The following CNR2 variants were observed in gnomAD, a reference collection of about 807,000 sequenced individuals.
CNR2 encodes the protein cannabinoid receptor 2.
For missense variants in CNR2, 379 were observed against 439.9 expected (o/e 0.86, Z 1.24); for synonymous variants, 172 against 182.2 (o/e 0.94, Z 0.45).
intron 1 of CNR2, chr1:23,902,206 T>C: frequency 8.2e-7 from 1 of 1,224,158 alleles, no homozygotes; most frequent in Non-Finnish European, 1.1e-6. Context: ...CACCGCCTCC[T>C]GGTGTTGAGG....
rs913226427 is a variant in CNR2 at position 23,873,959 on chromosome 1, A to T, written c.*576T>A. ...AGAGGGTCCTCGCCCAAACAACAGG[A>T]TGCCCCAAACTGAAGGCTTGTCATT... On this transcript the variant is annotated 3_prime_UTR_variant, in exon 2 of 2. Coordinates refer to ENST00000374472, the MANE Select transcript of CNR2 (RefSeq NM_001841.3). 2.0e-5 allele frequency: 3 copies of T among 152,982 alleles called. No homozygotes were observed. The highest frequency in any genetic ancestry group is 7.2e-5 in the African/African-American group (3 of 41,456). The allele number at this position is 152,982 out of a possible 1,614,324, so 9.5% of individuals were successfully genotyped here.
rs145018283 is a variant in CNR2 at position 23,884,292 on chromosome 1, C to T, written c.-45-8630G>A. ...ACGGGGTTGTTGGTCAGGCTGGTCTCGAACTCCTGGCTTCAAGTGATCTGC... is the reference window on the plus strand; with the variant it reads ...ACGGGGTTGTTGGTCAGGCTGGTCTTGAACTCCTGGCTTCAAGTGATCTGC... On this transcript the variant is annotated intron_variant, in intron 1 of 1. Coordinates refer to ENST00000374472, the MANE Select transcript of CNR2 (RefSeq NM_001841.3). 1.9e-4 allele frequency among the ~76,000 whole-genome samples: 28 copies of T among 150,090 alleles called. No homozygotes were observed. The East Asian group carries it at 2.5e-3, about 14-fold the overall frequency.
intron 1 of CNR2, 89 bp downstream of exon 1, chr1:23,913,157 T>A: frequency 5.8e-6 from 1 of 173,406 alleles, no homozygotes; most frequent in Non-Finnish European, 1.2e-5. Flanking sequence ...CAAAACTCCG[T>A]CTCAAAAACA....
At chr1:23,886,263 C>G (rs1195840918) in intron 1 of CNR2, among the ~76,000 whole-genome samples, 1 of 151,822 alleles carries the variant, frequency 6.6e-6, no homozygotes, top group East Asian at 1.9e-4. Flanking sequence ...TATTACAACC[C>G]AACGACTTTA....
At chr1:23,903,892 C>T (rs1640443339) in intron 1 of CNR2, among the ~76,000 whole-genome samples, 1 of 152,200 alleles carries the variant, frequency 6.6e-6, no homozygotes, top group Non-Finnish European at 1.5e-5. Context: ...AAGGGCAGAG[C>T]CCGATGTGAA....
Position 23,875,076 on chromosome 1 carries a change from TCA to T in CNR2, c.540_541del (p.Glu181AlafsTer8). 2 of 1,601,326 alleles carry T rather than the reference TCA, an allele frequency of 1.2e-6. No individual in the cohort carries two copies. The highest frequency in any genetic ancestry group is 1.7e-6 in the Non-Finnish European group (2 of 1,174,140). ...GTCATTGGGGATCAGTGGGAAAAGCTCAGAGCAGGGCCTGGGACAGCAAGTCC... is the reference window on the plus strand; with the variant it reads ...GTCATTGGGGATCAGTGGGAAAAGCTGAGCAGGGCCTGGGACAGCAAGTCC... On this transcript the variant is annotated frameshift_variant, in exon 2 of 2. Coordinates refer to ENST00000374472, the MANE Select transcript of CNR2 (RefSeq NM_001841.3). LOFTEE classifies it low-confidence loss of function (END_TRUNC).
At chr1:23,891,904 G>C (rs1459936040) in intron 1 of CNR2, among the ~76,000 whole-genome samples, 1 of 152,086 alleles carries the variant, frequency 6.6e-6, no homozygotes, top group African/African-American at 2.4e-5. Flanking sequence ...GTAGACTCTT[G>C]GTGGAGGTCT....
chr1:23,896,576 C>T (rs541045050), intron 1 of CNR2, among the ~76,000 whole-genome samples: 53 of 152,256 alleles, frequency 3.5e-4, no homozygotes, highest in East Asian at 1.9e-4. Flanking sequence ...ATGAGAGTGA[C>T]GATGTCATCT....
rs996308015 is a variant in CNR2, at chr1:23,881,147, G to A, written c.-45-5485C>T. 3.3e-5 allele frequency among the ~76,000 whole-genome samples: 5 copies of A among 151,450 alleles called. No individual in the cohort carries two copies. In the East Asian group the frequency reaches 7.9e-4, roughly 24 times the overall value. On this transcript the variant is annotated intron_variant, in intron 1 of 1. Transcript: ENST00000374472. Reference sequence around the variant, plus strand: ...AAAAATCAGCTGGGCATGGTGGCAGGCACCTGTAATCCCAGCTACTCGGGA... The same window carrying A: ...AAAAATCAGCTGGGCATGGTGGCAGACACCTGTAATCCCAGCTACTCGGGA...
intron 1 of CNR2, among the ~76,000 whole-genome samples, chr1:23,880,487 T>A (rs528194050): frequency 4.6e-5 from 7 of 152,140 alleles, no homozygotes; most frequent in Non-Finnish European, 1.5e-5. Context: ...CCTCCAGCTC[T>A]TTTGCTTTTC....
Position 23,874,422 on chromosome 1 carries a change from G to A in CNR2, c.*113C>T, listed in dbSNP as rs143960267. ...CACTCATCAGCAAAAAGGGGTCCGT[G>A]TCTAGGTGTCTGGGACTGGTTTAAG... On this transcript the variant is annotated 3_prime_UTR_variant, in exon 2 of 2. Transcript: ENST00000374472. 3.4e-5 allele frequency: 42 copies of A among 1,221,008 alleles called. No homozygotes were observed. The African/African-American group carries it at 6.1e-4, about 18-fold the overall frequency. 75.6% of individuals were successfully genotyped at this position (1,221,008 alleles called of 1,614,324 possible).
In CNR2 at chr1:23,874,622, G is replaced by A; in HGVS notation, c.996C>T (p.Ala332=). The A allele has an allele frequency of 6.2e-7, 1 of 1,614,054 alleles. No individual in the cohort carries two copies. The highest frequency in any genetic ancestry group is 1.1e-5 in the South Asian group (1 of 91,072). Residue 332 remains alanine (A), a synonymous_variant, in exon 2 of 2, where the codon GCC becomes GCT. Transcript: ENST00000374472. ...RGLGSEAKEE[A]PRSSVTETEA... ...CTGTCTCGGTGACTGAGGATCTCGG[G>A]GCTTCTTCTTTTGCCTCTGACCCAA...
intron 1 of CNR2, among the ~76,000 whole-genome samples, chr1:23,908,753 A>C (rs1640539259): frequency 6.6e-6 from 1 of 152,086 alleles, no homozygotes; most frequent in Non-Finnish European, 1.5e-5. Flanking sequence ...TCTATTCCCC[A>C]GCTTCCAGCT....
intron 1 of CNR2, among the ~76,000 whole-genome samples, chr1:23,909,517 A>G (rs1640550055): frequency 6.6e-6 from 1 of 152,136 alleles, no homozygotes; most frequent in Non-Finnish European, 1.5e-5. Flanking sequence ...TGAGGATTAC[A>G]TAAGATAATG....
intron 1 of CNR2, among the ~76,000 whole-genome samples, chr1:23,899,603 G>T (rs1570717982): frequency 6.7e-6 from 1 of 150,026 alleles, no homozygotes; most frequent in Non-Finnish European, 1.5e-5. Context: ...ATCACTTGCG[G>T]TCAGGAGGTA....
At position 23,893,763 on chromosome 1, in the gene CNR2, A is replaced by G. The variant is rs1486549826; in HGVS notation, c.-45-18101T>C. Among the ~76,000 whole-genome samples the G allele has an allele frequency of 2.6e-5, 4 of 152,032 alleles. No homozygotes were observed. The East Asian group carries it at 7.7e-4, about 29-fold the overall frequency. ...ATTATCTCATTTAAATCTCAAAACA[A>G]CCCTTCAAGAATCTTATTATTTTCT... On this transcript the variant is annotated intron_variant, in intron 1 of 1. Coordinates refer to ENST00000374472, the MANE Select transcript of CNR2 (RefSeq NM_001841.3).
At chr1:23,880,477 C>T (rs560903412) in intron 1 of CNR2, among the ~76,000 whole-genome samples, 3 of 152,170 alleles carry the variant, frequency 2.0e-5, no homozygotes, top group African/African-American at 7.2e-5. Context: ...CCTAGCCCAA[C>T]CTCCAGCTCT....
chr1:23,908,142 G>A (rs1179343720), intron 1 of CNR2, among the ~76,000 whole-genome samples: 6 of 151,696 alleles, frequency 4.0e-5, no homozygotes, highest in Admixed American at 6.6e-5. Context: ...CACTATGCCC[G>A]GCTAATTTTT....
intron 1 of CNR2, among the ~76,000 whole-genome samples, chr1:23,891,492 G>A (rs12736774): frequency 0.85 from 128,016 of 151,346 alleles, 54,249 homozygotes; most frequent in Admixed American, 0.86. Context: ...GGTGGTGGGT[G>A]CCTGTAATCC....
Sources: gnomAD v4.1 joint callset for allele counts (sites outside exome capture counted in the v4.1 genomes callset) on GRCh38, gnomAD v4.1.1 for gene constraint, MANE v1.5 for transcripts, NCBI Gene and HGNC (gene_info 2026-07-23, HGNC 2026-07-21) for gene names.